The following CBFB variants were observed in gnomAD, a reference collection of about 807,000 sequenced individuals.
CBFB encodes core-binding factor subunit beta.
Under a neutral mutation model 30.4 loss-of-function variants are expected in CBFB, and 9 were observed. The observed-to-expected ratio is 0.30, with a 90% confidence interval of 0.18 to 0.52. The LOEUF (loss-of-function observed/expected upper bound fraction) is 0.52, where lower values mean the gene tolerates loss of function less well. Ranked by LOEUF, CBFB falls within the 20% of genes least tolerant of loss-of-function variation. The probability of loss-of-function intolerance (pLI) is 0.97; values close to 1 mark genes in which losing one functional copy is unlikely to be tolerated. For synonymous variants in CBFB, 94 were observed against 84.0 expected (o/e 1.12, Z -0.65); for missense variants, 170 against 244.0 (o/e 0.70, Z 2.02).
chr16:67,082,850 A>G (rs1961606459), intron 5 of CBFB, among the ~76,000 whole-genome samples: 1 of 152,204 alleles, frequency 6.6e-6, no homozygotes, highest in Non-Finnish European at 1.5e-5. Flanking sequence ...AGAAATCAAC[A>G]TTAACAAATC....
At chr16:67,054,297 G>A (rs976729701) in intron 3 of CBFB, among the ~76,000 whole-genome samples, 1 of 151,964 alleles carries the variant, frequency 6.6e-6, no homozygotes, top group Non-Finnish European at 1.5e-5. Flanking sequence ...GATTATTTTC[G>A]TTAAGAAGGC....
chr16:67,037,666 AT>A (rs35804914), intron 3 of CBFB, among the ~76,000 whole-genome samples: 23,491 of 129,188 alleles, frequency 0.18, 2,300 homozygotes, highest in African/African-American at 0.36. Context: ...GATTTTGGTA[AT>A]TTTTTTTTTT....
chr16:67,055,367 T>C (rs1478298527), intron 3 of CBFB, among the ~76,000 whole-genome samples: 4 of 133,062 alleles, frequency 3.0e-5, no homozygotes, highest in Non-Finnish European at 4.8e-5. Context: ...CTTTTTTTTT[T>C]TTTTTTTTTT....
intron 2 of CBFB, 44 bp downstream of exon 2, chr16:67,029,857 G>C: frequency 6.8e-7 from 1 of 1,460,110 alleles, no homozygotes; most frequent in Non-Finnish European, 9.3e-7. Flanking sequence ...CTTGTTGCGC[G>C]GGGCCGCGGC....
chr16:67,065,789 G>A (rs1189773702), intron 3 of CBFB, among the ~76,000 whole-genome samples: 5 of 152,162 alleles, frequency 3.3e-5, no homozygotes, highest in East Asian at 1.9e-4. Context: ...GATACATGTA[G>A]TCAAACCCTG....
Position 67,098,868 on chromosome 16 carries a change from G to A in CBFB, c.*90G>A. The A allele has an allele frequency of 1.2e-6, 1 of 802,260 alleles. No homozygotes were observed. The highest frequency in any genetic ancestry group is 1.9e-5 in the Admixed American group (1 of 53,946). 49.7% of individuals were successfully genotyped at this position (802,260 alleles called of 1,614,324 possible). A position where few individuals can be genotyped will look rare whatever the true frequency, so the allele number is the denominator to read the frequency against. On this transcript the variant is annotated 3_prime_UTR_variant, in exon 6 of 6. Transcript: ENST00000412916. ...AATTGATTAAAAGACCAGAAACTGT[G>A]ATAACTGGAGGTACTACGGTCTATT...
intron 5 of CBFB, among the ~76,000 whole-genome samples, chr16:67,086,420 T>C (rs1375875482): frequency 6.6e-6 from 1 of 152,228 alleles, no homozygotes; most frequent in Non-Finnish European, 1.5e-5. Context: ...AGTGTTCTTA[T>C]TGAACAACAT....
intron 5 of CBFB, among the ~76,000 whole-genome samples, chr16:67,095,825 T>G (rs1186534593): frequency 1.3e-5 from 2 of 151,754 alleles, no homozygotes; most frequent in African/African-American, 4.8e-5. Context: ...CCCGAGTATC[T>G]GGGAATACAG....
intron 3 of CBFB, among the ~76,000 whole-genome samples, chr16:67,045,447 G>A (rs1293759395): frequency 6.6e-6 from 1 of 152,088 alleles, no homozygotes; most frequent in East Asian, 1.9e-4. Flanking sequence ...AACCCGGGAG[G>A]CGGAGGTTGC....
chr16:67,041,147 G>T (rs1966522621), intron 3 of CBFB, among the ~76,000 whole-genome samples: 1 of 152,122 alleles, frequency 6.6e-6, no homozygotes, highest in African/African-American at 2.4e-5. Flanking sequence ...TTGGTATGTT[G>T]CCCAGGGTGA....
chr16:67,092,099 C>T (rs1444011088), intron 5 of CBFB, among the ~76,000 whole-genome samples: 1 of 151,872 alleles, frequency 6.6e-6, no homozygotes, highest in African/African-American at 2.4e-5. Flanking sequence ...TGTGACATTC[C>T]CTTCCCTGTG....
chr16:67,091,559 C>A (rs1773090517), intron 5 of CBFB, among the ~76,000 whole-genome samples: 1 of 152,198 alleles, frequency 6.6e-6, no homozygotes, highest in Admixed American at 6.5e-5. Context: ...CCCAGAAATG[C>A]AGATTATTCC....
At chr16:67,049,636 C>T (rs912910260) in intron 3 of CBFB, among the ~76,000 whole-genome samples, 13 of 151,982 alleles carry the variant, frequency 8.6e-5, no homozygotes, top group African/African-American at 2.4e-4. Flanking sequence ...CACATGCCAC[C>T]GCACCAGCTG....
chr16:67,047,730 C>T (rs1353951436), intron 3 of CBFB, among the ~76,000 whole-genome samples: 1 of 151,962 alleles, frequency 6.6e-6, no homozygotes, highest in Non-Finnish European at 1.5e-5. Context: ...CTTTTTAGTC[C>T]TGAGTTTCTA....
chr16:67,052,285 C>T (rs1198740956), intron 3 of CBFB, among the ~76,000 whole-genome samples: 1 of 152,172 alleles, frequency 6.6e-6, no homozygotes, highest in Non-Finnish European at 1.5e-5. Flanking sequence ...AAAATACCTA[C>T]TAGGCCGAGT....
Position 67,036,700 on chromosome 16 carries a change from A to G in CBFB, c.227A>G (p.Glu76Gly), listed in dbSNP as rs774142149. 27 of 1,613,906 alleles carry G rather than the reference A, an allele frequency of 1.7e-5. No individual in the cohort carries two copies. The highest frequency in any genetic ancestry group is 2.2e-5 in the Non-Finnish European group (26 of 1,179,820). ...LQFFPASWQG[E>G]QRQTPSREYV... is the part of the protein sequence containing the mutation. ...TTTTTTCCGGCCAGCTGGCAGGGAG[A>G]ACAGCGACAAACACCTAGCCGAGAG... The change falls in exon 3 of 6, where the codon GAA (glutamate) becomes GGA (glycine). Residue 76 changes from glutamate to glycine, a missense_variant. Glu to Gly is a moderately conservative substitution (Grantham distance 98). Transcript: ENST00000412916.
At chr16:67,060,485 T>C (rs1960878404) in intron 3 of CBFB, among the ~76,000 whole-genome samples, 1 of 152,188 alleles carries the variant, frequency 6.6e-6, no homozygotes, top group South Asian at 2.1e-4. Context: ...GGCAACTACT[T>C]ATCTCCTTCG....
At chr16:67,053,483 C>G (rs946396290) in intron 3 of CBFB, among the ~76,000 whole-genome samples, 2 of 151,910 alleles carry the variant, frequency 1.3e-5, no homozygotes, top group African/African-American at 4.8e-5. Context: ...TCTCGATCTC[C>G]TGACCTTGTG....
intron 4 of CBFB, among the ~76,000 whole-genome samples, chr16:67,076,683 A>T (rs981143061): frequency 2.0e-5 from 3 of 152,216 alleles, no homozygotes; most frequent in Non-Finnish European, 4.4e-5. Context: ...GATCTGCCAC[A>T]CTTGGTTTTT....
Sources: gnomAD v4.1 joint callset for allele counts (sites outside exome capture counted in the v4.1 genomes callset) on GRCh38, gnomAD v4.1.1 for gene constraint, MANE v1.5 for transcripts, NCBI Gene and HGNC (gene_info 2026-07-23, HGNC 2026-07-21) for gene names.